Variants in UBE2W observed in about 807,000 individuals in gnomAD.
The protein encoded by UBE2W is ubiquitin-conjugating enzyme E2 W.
A neutral mutation model predicts 27.2 loss-of-function variants in UBE2W; 18 were observed. That is an observed-to-expected ratio of 0.66 (90% CI 0.46 to 0.98). The LOEUF (loss-of-function observed/expected upper bound fraction) is 0.98, where lower values mean the gene tolerates loss of function less well. Among genes scored for constraint, UBE2W ranks in the 50% least tolerant of loss-of-function variants. The pLI, the probability that UBE2W is intolerant of heterozygous loss-of-function variation, is 0.00. For missense variants in UBE2W, 90 were observed against 180.2 expected (o/e 0.50, Z 2.87); for synonymous variants, 53 against 57.2 (o/e 0.93, Z 0.33).
chr8:73,818,966 T>C (rs1809500058), intron 3 of UBE2W, among the ~76,000 whole-genome samples: 1 of 152,204 alleles, frequency 6.6e-6, no homozygotes, highest in Non-Finnish European at 1.5e-5. Flanking sequence ...CAGGTCTTTA[T>C]AGCAGTACAA....
In UBE2W at chr8:73,846,670, A is replaced by C. The variant is rs1353038173; in HGVS notation, c.16-16198T>G. On this transcript the variant is annotated intron_variant, in intron 1 of 5. Transcript: ENST00000602593. ...TTTTTTAAATTTTGGATGGGATAAG[A>C]ATATGAGCACAAAATGTCTAATTTG... Among the ~76,000 whole-genome samples the C allele has an allele frequency of 3.3e-5, 5 of 152,214 alleles. 1 individual carries two copies. The highest frequency in any genetic ancestry group is 1.3e-4 in the Admixed American group (2 of 15,276).
At chr8:73,856,984 G>T (rs981182165) in intron 1 of UBE2W, among the ~76,000 whole-genome samples, 4 of 152,184 alleles carry the variant, frequency 2.6e-5, no homozygotes, top group African/African-American at 9.7e-5. Flanking sequence ...TGAGATTATA[G>T]ACGTGAGCCA....
downstream of UBE2W, among the ~76,000 whole-genome samples, chr8:73,782,156 C>T (rs1807858543): frequency 6.6e-6 from 1 of 151,664 alleles, no homozygotes; most frequent in African/African-American, 2.4e-5. Flanking sequence ...ACCATGTTGG[C>T]CAGAATGGTC....
intron 1 of UBE2W, among the ~76,000 whole-genome samples, chr8:73,849,512 C>CAAAAAAAAAA (rs71269951): frequency 3.1e-4 from 7 of 22,772 alleles, no homozygotes; most frequent in Admixed American, 1.9e-3. Flanking sequence ...AACTCCATCT[C>CAAAAAAAAAA]AAAAAAAAAA....
At chr8:73,876,165 TG>T (rs1812213574) in intron 1 of UBE2W, among the ~76,000 whole-genome samples, 2 of 152,038 alleles carry the variant, frequency 1.3e-5, no homozygotes, top group South Asian at 4.1e-4. Flanking sequence ...TGTCTGCTTT[TG>T]TTCATTGCTA....
In UBE2W at chr8:73,791,748, A is replaced by G; in HGVS notation, c.*2354T>C. On this transcript the variant is annotated 3_prime_UTR_variant, in exon 6 of 6. Transcript: ENST00000602593. ...ATGAATTTTAAATGTCTGTGCTCCT[A>G]TATTTTAGGATATTTCATCTTATTT... 4 of 778,212 alleles carry G rather than the reference A, an allele frequency of 5.1e-6. No homozygotes were observed. The highest frequency in any genetic ancestry group is 6.2e-6 in the Non-Finnish European group (4 of 649,508). 48.2% of individuals were successfully genotyped at this position (778,212 alleles called of 1,614,324 possible). A position where few individuals can be genotyped will look rare whatever the true frequency, so the allele number is the denominator to read the frequency against.
intron 5 of UBE2W, among the ~76,000 whole-genome samples, chr8:73,800,658 A>T (rs562581824): frequency 6.6e-6 from 1 of 152,316 alleles, no homozygotes; most frequent in South Asian, 2.1e-4. Flanking sequence ...TGAAAGGTTA[A>T]TTTGGTTTGA....
At chr8:73,828,698 A>G (rs985362424) in intron 2 of UBE2W, among the ~76,000 whole-genome samples, 5 of 152,208 alleles carry the variant, frequency 3.3e-5, no homozygotes, top group African/African-American at 1.2e-4. Context: ...TTTTGATACA[A>G]GCACACAATG....
intron 1 of UBE2W, among the ~76,000 whole-genome samples, chr8:73,842,317 A>G (rs1810566606): frequency 6.6e-6 from 1 of 151,960 alleles, no homozygotes; most frequent in Non-Finnish European, 1.5e-5. Flanking sequence ...TTACGAGGTC[A>G]GGAGATTGAG....
chr8:73,865,180 C>CGAAAAAAA, intron 1 of UBE2W, among the ~76,000 whole-genome samples: 1 of 32,856 alleles, frequency 3.0e-5, no homozygotes, highest in Non-Finnish European at 6.4e-5. Flanking sequence ...GTGCAAACGT[C>CGAAAAAAA]AAAAAAAAAA....
At chr8:73,808,565 G>T (rs1809016319) in intron 4 of UBE2W, among the ~76,000 whole-genome samples, 1 of 152,180 alleles carries the variant, frequency 6.6e-6, no homozygotes, top group African/African-American at 2.4e-5. Context: ...TTGGAGCTTA[G>T]ATCTCTCTAA....
rs1029253523 is a variant in UBE2W, at chr8:73,788,359, T to C, written c.*5743A>G. The C allele has an allele frequency of 8.1e-6, 8 of 985,296 alleles. No individual in the cohort carries two copies. The African/African-American group carries it at 1.4e-4, about 17-fold the overall frequency. 61.0% of individuals were successfully genotyped at this position (985,296 alleles called of 1,614,324 possible). A position where few individuals can be genotyped will look rare whatever the true frequency, so the allele number is the denominator to read the frequency against. The stretch of plus-strand genomic sequence containing the variant: ...CCTCAAGCATGAGCTTTCATTCCTA[T>C]TAATAAAATGCACACTCTGTAGTTC... On this transcript the variant is annotated 3_prime_UTR_variant, in exon 6 of 6. Transcript: ENST00000602593.
chr8:73,851,268 C>G (rs1289571180), intron 1 of UBE2W, among the ~76,000 whole-genome samples: 2 of 151,316 alleles, frequency 1.3e-5, no homozygotes, highest in Non-Finnish European at 2.9e-5. Context: ...AGAACTGAGG[C>G]AGAGGCAGGT....
chr8:73,790,614 G>T lies in UBE2W; in HGVS notation c.*3488C>A. 1 of 985,036 alleles carries T rather than the reference G, an allele frequency of 1.0e-6. No homozygotes were observed. Among genetic ancestry groups the T allele is most frequent in the South Asian group, 4.7e-5 (1 of 21,280 alleles). 61.0% of individuals were successfully genotyped at this position (985,036 alleles called of 1,614,324 possible). A position where few individuals can be genotyped will look rare whatever the true frequency, so the allele number is the denominator to read the frequency against. On this transcript the variant is annotated 3_prime_UTR_variant, in exon 6 of 6. Coordinates refer to ENST00000602593, the MANE Select transcript of UBE2W (RefSeq NM_018299.6). ...CAGTAACCATAAAGGCTTAGAACTA[G>T]TGACACTGAATTCTTTATTTAAAAA...
In UBE2W at chr8:73,792,107, C is replaced by T. The variant is rs111301626; in HGVS notation, c.*1995G>A. ...CAAACAGTAGTGTAGAGCAGTTACG[C>T]AAAATATGAAAATACATAATTTACA... On this transcript the variant is annotated 3_prime_UTR_variant, in exon 6 of 6. Coordinates refer to ENST00000602593, the MANE Select transcript of UBE2W (RefSeq NM_018299.6). The T allele has an allele frequency of 1.3e-5, 13 of 985,054 alleles. No homozygotes were observed. The African/African-American group carries it at 2.1e-4, about 16-fold the overall frequency. The allele number at this position is 985,054 out of a possible 1,614,324, so 61.0% of individuals were successfully genotyped here. A position where few individuals can be genotyped will look rare whatever the true frequency, so the allele number is the denominator to read the frequency against.
chr8:73,855,394 C>CTTTTTTTTTTT (rs66577299), intron 1 of UBE2W, among the ~76,000 whole-genome samples: 1 of 84,710 alleles, frequency 1.2e-5, no homozygotes, highest in African/African-American at 5.2e-5. Context: ...ATTCTACTTT[C>CTTTTTTTTTTT]TTTTTTTTTT....
intron 1 of UBE2W, among the ~76,000 whole-genome samples, chr8:73,873,526 C>T (rs1307103351): frequency 6.6e-6 from 1 of 152,192 alleles, no homozygotes. Flanking sequence ...GGCATGGTGG[C>T]GTGTCTATAG....
intron 1 of UBE2W, among the ~76,000 whole-genome samples, chr8:73,859,063 C>T (rs148756958): frequency 1.1e-3 from 170 of 151,342 alleles, no homozygotes; most frequent in Middle Eastern, 6.8e-3. Flanking sequence ...CTAAACTGAG[C>T]AATTTCTTCA....
intron 5 of UBE2W, among the ~76,000 whole-genome samples, chr8:73,802,477 C>G (rs1808686082): frequency 6.6e-6 from 1 of 152,074 alleles, no homozygotes; most frequent in South Asian, 2.1e-4. Flanking sequence ...GTTAAAGAAG[C>G]TGTACATTTT....
Sources: allele counts gnomAD v4.1 joint callset (sites outside exome capture counted in the v4.1 genomes callset), GRCh38; gene constraint gnomAD v4.1.1; transcripts MANE v1.5; gene names NCBI Gene and HGNC (gene_info 2026-07-23, HGNC 2026-07-21).